Variants in SNAP91 observed in about 807,000 individuals in gnomAD.
SNAP91 encodes synaptosome associated protein 91, also known as clathrin coat assembly protein AP180.
Under a neutral mutation model 100.3 loss-of-function variants are expected in SNAP91, and 27 were observed. The ratio of observed to expected loss-of-function variants is 0.27; its 90% CI spans 0.20 to 0.37. The LOEUF (loss-of-function observed/expected upper bound fraction) is 0.37, where lower values mean the gene tolerates loss of function less well. Among genes scored for constraint, SNAP91 ranks in the 10% least tolerant of loss-of-function variants. The pLI is 1.00. For synonymous variants in SNAP91, 404 were observed against 398.6 expected (o/e 1.01, Z -0.16); for missense variants, 986 against 1,123.7 (o/e 0.88, Z 1.75).
At chr6:83,599,831 G>C (rs922231413) in intron 16 of SNAP91, among the ~76,000 whole-genome samples, 1 of 152,052 alleles carries the variant, frequency 6.6e-6, no homozygotes, top group East Asian at 1.9e-4. Context: ...CTTCACCTAG[G>C]CTAAAGTGCA....
At chr6:83,692,122 G>A (rs774719670) in intron 2 of SNAP91, among the ~76,000 whole-genome samples, 2 of 152,146 alleles carry the variant, frequency 1.3e-5, no homozygotes, top group Non-Finnish European at 2.9e-5. Flanking sequence ...TCTGCTTACA[G>A]TATTGAAAGA....
chr6:83,567,396 A>G (rs1230406826), intron 26 of SNAP91, among the ~76,000 whole-genome samples: 1 of 152,184 alleles, frequency 6.6e-6, no homozygotes, highest in Non-Finnish European at 1.5e-5. Flanking sequence ...AAAACCATAA[A>G]AACCCTAGAA....
At chr6:83,706,473 A>G (rs915621772) in intron 2 of SNAP91, among the ~76,000 whole-genome samples, 1 of 152,246 alleles carries the variant, frequency 6.6e-6, no homozygotes, top group Non-Finnish European at 1.5e-5. Flanking sequence ...TTAGTTAAAC[A>G]TTCCCTTGGG....
intron 2 of SNAP91, among the ~76,000 whole-genome samples, chr6:83,702,463 A>G (rs891798195): frequency 5.3e-5 from 8 of 152,234 alleles, no homozygotes; most frequent in African/African-American, 1.7e-4. Context: ...AATTACAAAT[A>G]AATCTTTAAC....
intron 29 of SNAP91, among the ~76,000 whole-genome samples, chr6:83,555,530 G>T (rs1049610144): frequency 6.6e-6 from 1 of 152,156 alleles, no homozygotes; most frequent in African/African-American, 2.4e-5. Flanking sequence ...GCAAGGATTT[G>T]TTGAGAACCT....
At chr6:83,594,505 C>A in intron 16 of SNAP91, 24 bp from the exon 17 acceptor site, 4 of 1,330,758 alleles carry the variant, frequency 3.0e-6, no homozygotes, top group South Asian at 1.5e-5. Context: ...TTTAAAACAG[C>A]AGAAATTAAA....
upstream of SNAP91, chr6:83,709,231 C>G (rs944055193): frequency 6.6e-6 from 1 of 152,358 alleles, no homozygotes; most frequent in Admixed American, 6.5e-5. Context: ...ACACCGCCCC[C>G]CGGGGCCGGG....
rs116152007 is a variant in SNAP91 at position 83,589,443 on chromosome 6, G to A, written c.2014+1768C>T. ...AGAAATATTTTTCTATAACAAAACA[G>A]GGAAGTATGAAAAATTAGCCCCCAA... On this transcript the variant is annotated intron_variant, in intron 22 of 29. Transcript: ENST00000369694. Among the ~76,000 whole-genome samples the A allele has an allele frequency of 8.1e-3, 1,240 of 152,258 alleles. 17 individuals are homozygous for A. Among genetic ancestry groups the A allele is most frequent in the African/African-American group, 0.028 (1,150 of 41,544 alleles).
chr6:83,678,798 C>T lies in SNAP91; in HGVS notation c.131-13217G>A, dbSNP rs1279150245. On this transcript the variant is annotated intron_variant, in intron 2 of 29. Coordinates refer to ENST00000369694, the MANE Select transcript of SNAP91 (RefSeq NM_001242792.2). The stretch of plus-strand genomic sequence containing the variant: ...CTTACTGTTATTATTCTTGAACGCC[C>T]TCATCTTACTTCCTAGGAGGAATCA... 2.3e-6 allele frequency: 3 copies of T among 1,288,014 alleles called. No individual in the cohort carries two copies. In the South Asian group the frequency reaches 3.7e-5, roughly 16 times the overall value. 79.8% of individuals were successfully genotyped at this position (1,288,014 alleles called of 1,614,324 possible).
intron 26 of SNAP91, among the ~76,000 whole-genome samples, chr6:83,566,846 T>C (rs1015754928): frequency 2.6e-5 from 4 of 152,202 alleles, no homozygotes; most frequent in African/African-American, 9.6e-5. Flanking sequence ...CCTTCTATTC[T>C]GATCAACAAA....
At chr6:83,641,902 T>A (rs1052007684) in intron 7 of SNAP91, among the ~76,000 whole-genome samples, 1 of 152,192 alleles carries the variant, frequency 6.6e-6, no homozygotes, top group Non-Finnish European at 1.5e-5. Context: ...AATGCTGTCA[T>A]TAGGGAACTA....
chr6:83,705,124 GATAACT>G (rs1314848741), intron 2 of SNAP91, among the ~76,000 whole-genome samples: 2 of 152,124 alleles, frequency 1.3e-5, no homozygotes, highest in African/African-American at 4.8e-5. Flanking sequence ...TTAGTAATGT[GATAACT>G]ATGTCTCCAA....
chr6:83,690,379 G>C (rs146994175), intron 2 of SNAP91: 52 of 1,288,352 alleles, frequency 4.0e-5, no homozygotes, highest in Middle Eastern at 2.1e-4. Flanking sequence ...AAAAGATGCT[G>C]GAACATACTT....
chr6:83,684,685 T>C (rs573261430), intron 2 of SNAP91, among the ~76,000 whole-genome samples: 2 of 152,302 alleles, frequency 1.3e-5, no homozygotes, highest in South Asian at 2.1e-4. Flanking sequence ...ATGAAACAAG[T>C]CTTTTTTGAG....
At chr6:83,607,071 T>C (rs1239620393) in intron 13 of SNAP91, among the ~76,000 whole-genome samples, 3 of 152,176 alleles carry the variant, frequency 2.0e-5, no homozygotes, top group African/African-American at 2.4e-5. Flanking sequence ...TACAAAATGA[T>C]ATTAGAATCC....
At chr6:83,569,402 G>A (rs1271429787) in intron 26 of SNAP91, among the ~76,000 whole-genome samples, 2 of 152,184 alleles carry the variant, frequency 1.3e-5, no homozygotes, top group African/African-American at 2.4e-5. Context: ...GTCTGTGAAA[G>A]TGCCTACCAA....
chr6:83,567,886 C>T (rs1799233411), intron 26 of SNAP91, among the ~76,000 whole-genome samples: 1 of 152,058 alleles, frequency 6.6e-6, no homozygotes, highest in African/African-American at 2.4e-5. Context: ...AACACTTTTA[C>T]ACTGTTGGTG....
rs556396821 is a variant in SNAP91 at position 83,692,358 on chromosome 6, T to C, written c.130+15440A>G. On this transcript the variant is annotated intron_variant, in intron 2 of 29. Coordinates refer to ENST00000369694, the MANE Select transcript of SNAP91 (RefSeq NM_001242792.2). ...GGCAAAACCCCATCTCTACTAAAAA[T>C]ACAAAAATTAGCTAGGCGTGGTAGA... Among the ~76,000 whole-genome samples, 3 of 152,010 alleles carry C rather than the reference T, an allele frequency of 2.0e-5. No homozygotes were observed. In the East Asian group the frequency reaches 5.8e-4, roughly 29 times the overall value.
intron 16 of SNAP91, among the ~76,000 whole-genome samples, chr6:83,596,300 G>A (rs1582976254): frequency 1.3e-5 from 2 of 152,300 alleles, no homozygotes; most frequent in African/African-American, 4.8e-5. Context: ...TCAAGGGATA[G>A]AGTAGGCCTA....
Sources: gnomAD v4.1 joint callset for allele counts (sites outside exome capture counted in the v4.1 genomes callset) on GRCh38, gnomAD v4.1.1 for gene constraint, MANE v1.5 for transcripts, NCBI Gene and HGNC (gene_info 2026-07-23, HGNC 2026-07-21) for gene names.